Variants in PCDHA4 observed in about 807,000 individuals in gnomAD.
PCDHA4 encodes protocadherin alpha-4.
In PCDHA4, 49 loss-of-function variants were observed where a neutral mutation model predicts 61.4. The ratio of observed to expected loss-of-function variants is 0.80; its 90% CI spans 0.63 to 1.01. PCDHA4 has a LOEUF of 1.01. Ranked by LOEUF, PCDHA4 falls within the 50% of genes least tolerant of loss-of-function variation. The pLI is 0.00. For synonymous variants in PCDHA4, 590 were observed against 550.3 expected (o/e 1.07, Z -1.01); for missense variants, 1,254 against 1,235.8 (o/e 1.01, Z -0.22).
At chr5:140,822,019 A>G (rs1427056714) in intron 1 of PCDHA4, 3 of 1,614,052 alleles carry the variant, frequency 1.9e-6, no homozygotes, top group African/African-American at 1.3e-5. Flanking sequence ...GCAGAATGGC[A>G]TTTTGTTTGT....
At chr5:140,868,988 C>T in intron 1 of PCDHA4, 1 of 1,506,234 alleles carries the variant, frequency 6.6e-7, no homozygotes, top group Non-Finnish European at 8.9e-7. Context: ...CCGGATGCCA[C>T]CGTTTAAGGA....
chr5:140,839,514 C>G (rs544251517), intron 1 of PCDHA4, among the ~76,000 whole-genome samples: 6 of 151,964 alleles, frequency 3.9e-5, no homozygotes, highest in Non-Finnish European at 8.8e-5. Flanking sequence ...CTCAGCCTCT[C>G]AAGTTGCTGG....
chr5:140,891,148 A>C (rs913917156), intron 1 of PCDHA4, among the ~76,000 whole-genome samples: 2 of 151,726 alleles, frequency 1.3e-5, no homozygotes, highest in Non-Finnish European at 2.9e-5. Flanking sequence ...TATTCTGTTT[A>C]TTTTCCTTTG....
At chr5:140,875,859 C>G (rs1381473536) in intron 1 of PCDHA4, 1 of 1,614,038 alleles carries the variant, frequency 6.2e-7, no homozygotes, top group Non-Finnish European at 8.5e-7. Flanking sequence ...TTAACGACAA[C>G]CCGCCGGTGT....
intron 1 of PCDHA4, among the ~76,000 whole-genome samples, chr5:140,873,187 T>C (rs1169831538): frequency 6.6e-6 from 1 of 152,214 alleles, no homozygotes; most frequent in Non-Finnish European, 1.5e-5. Context: ...ATAATATTCA[T>C]TGGCTAAAAA....
intron 1 of PCDHA4, chr5:140,828,452 G>T (rs782092268): frequency 6.2e-7 from 1 of 1,614,284 alleles, no homozygotes; most frequent in Middle Eastern, 1.6e-4. Context: ...CCATGTGGAC[G>T]TGGAGGTGAG....
At chr5:140,964,227 G>A (rs1245581815) in intron 1 of PCDHA4, among the ~76,000 whole-genome samples, 1 of 152,222 alleles carries the variant, frequency 6.6e-6, no homozygotes, top group African/African-American at 2.4e-5. Context: ...CTTTCAAAAT[G>A]AGGCTGATTG....
chr5:140,901,333 T>C (rs1370254894), intron 1 of PCDHA4, among the ~76,000 whole-genome samples: 1 of 152,200 alleles, frequency 6.6e-6, no homozygotes, highest in East Asian at 1.9e-4. Flanking sequence ...TTGTAGTCGT[T>C]TTATAGTTTG....
At chr5:140,875,254 T>A in intron 1 of PCDHA4, 1 of 1,054,680 alleles carries the variant, frequency 9.5e-7, no homozygotes, top group Non-Finnish European at 1.3e-6. Context: ...ATCAGTCACA[T>A]GATGTCGCTC....
intron 1 of PCDHA4, among the ~76,000 whole-genome samples, chr5:140,908,191 G>A (rs548195405): frequency 2.6e-5 from 4 of 152,244 alleles, no homozygotes; most frequent in African/African-American, 9.6e-5. Flanking sequence ...TTCAGGTGGT[G>A]GACATATCAT....
At chr5:140,886,155 T>C (rs528104847) in intron 1 of PCDHA4, among the ~76,000 whole-genome samples, 1 of 152,212 alleles carries the variant, frequency 6.6e-6, no homozygotes, top group African/African-American at 2.4e-5. Context: ...CACCTTTTTA[T>C]AGCCACATCT....
chr5:140,988,900 G>A (rs2097319351), intron 3 of PCDHA4: 1 of 152,194 alleles, frequency 6.6e-6, no homozygotes, highest in Admixed American at 6.5e-5. Context: ...ACATTTTAGA[G>A]GGTGTAGTGA....
intron 1 of PCDHA4, among the ~76,000 whole-genome samples, chr5:140,955,553 C>A (rs782183120): frequency 2.6e-5 from 4 of 152,088 alleles, no homozygotes; most frequent in Non-Finnish European, 5.9e-5. Flanking sequence ...TGAGGCCTCC[C>A]CAGCCATACT....
At chr5:140,842,393 C>T in intron 1 of PCDHA4, 4 of 1,611,054 alleles carry the variant, frequency 2.5e-6, no homozygotes, top group Non-Finnish European at 3.4e-6. Context: ...CTTATCCTTG[C>T]CTGTACGTGA....
Position 141,009,979 on chromosome 5 carries a change from T to C in PCDHA4, c.*42T>C. 2.5e-6 allele frequency: 4 copies of C among 1,583,392 alleles called. No individual in the cohort carries two copies. Among genetic ancestry groups the C allele is most frequent in the Non-Finnish European group, 3.4e-6 (4 of 1,168,152 alleles). On this transcript the variant is annotated 3_prime_UTR_variant, in exon 4 of 4. Coordinates refer to ENST00000530339, the MANE Select transcript of PCDHA4 (RefSeq NM_018907.4). The stretch of plus-strand genomic sequence containing the variant: ...CAAGCCACTTAGCCAGTTTTTGTAA[T>C]AATGGCAAATCTCTCCCATGTAGCA...
intron 2 of PCDHA4, among the ~76,000 whole-genome samples, chr5:140,981,053 A>T (rs1422870263): frequency 6.6e-6 from 1 of 152,206 alleles, no homozygotes; most frequent in Non-Finnish European, 1.5e-5. Flanking sequence ...AGATAATTCT[A>T]GAGTGTAGAC....
At chr5:140,823,501 G>A (rs1554129384) in intron 1 of PCDHA4, 3 of 1,613,246 alleles carry the variant, frequency 1.9e-6, no homozygotes, top group African/African-American at 1.3e-5. Context: ...CGGCGGCGCA[G>A]TGAGCGAGCT....
intron 3 of PCDHA4, among the ~76,000 whole-genome samples, chr5:140,988,287 C>A (rs2097291303): frequency 6.6e-6 from 1 of 152,240 alleles, no homozygotes; most frequent in Non-Finnish European, 1.5e-5. Context: ...TGCCATCTGA[C>A]AGCCCAGGAG....
At chr5:140,861,618 C>T (rs1035938345) in intron 1 of PCDHA4, 1 of 340,802 alleles carries the variant, frequency 2.9e-6, no homozygotes, top group Non-Finnish European at 6.0e-6. Flanking sequence ...AGACAACCTG[C>T]CAGTGTTCTC....
Sources: allele counts gnomAD v4.1 joint callset (sites outside exome capture counted in the v4.1 genomes callset), GRCh38; gene constraint gnomAD v4.1.1; transcripts MANE v1.5; gene names NCBI Gene and HGNC (gene_info 2026-07-23, HGNC 2026-07-21).